The following SLC24A2 variants were observed in gnomAD, a reference collection of about 807,000 sequenced individuals.
The protein encoded by SLC24A2 is sodium/potassium/calcium exchanger 2.
SLC24A2 carries 36 observed loss-of-function variants against 62.0 expected under a neutral mutation model. That is an observed-to-expected ratio of 0.58 (90% CI 0.44 to 0.77). The LOEUF (loss-of-function observed/expected upper bound fraction) is 0.77. Among genes scored for constraint, SLC24A2 ranks in the 30% least tolerant of loss-of-function variants. The pLI, the probability that SLC24A2 is intolerant of heterozygous loss-of-function variation, is 0.00. For missense variants in SLC24A2, 846 were observed against 817.9 expected, an observed-to-expected ratio of 1.03 and a Z score of -0.42; for synonymous variants, 358 against 294.0, an observed-to-expected ratio of 1.22 and a Z score of -2.23.
chr9:20,256,221 C>A, the SLC24A2 span, among the ~76,000 whole-genome samples: 1 of 152,136 alleles, frequency 6.6e-6, no homozygotes, highest in Non-Finnish European at 1.5e-5. Flanking sequence ...TGGGGAGACA[C>A]GTTTAAACCA....
chr9:19,949,015 A>G, the SLC24A2 span, among the ~76,000 whole-genome samples: 1 of 151,492 alleles, frequency 6.6e-6, no homozygotes, highest in African/African-American at 2.4e-5. Flanking sequence ...TATTTTTGAG[A>G]CGGAGTCTTA....
At chr9:20,160,699 T>C in the SLC24A2 span, among the ~76,000 whole-genome samples, 45 of 151,194 alleles carry the variant, frequency 3.0e-4, no homozygotes, top group East Asian at 4.1e-3. Flanking sequence ...TTACAGAATT[T>C]CCGAAAAATA....
chr9:19,863,900 A>G, the SLC24A2 span, among the ~76,000 whole-genome samples: 1 of 151,992 alleles, frequency 6.6e-6, no homozygotes. Flanking sequence ...CGAAACAAAA[A>G]GTTGTTTTTT....
chr9:19,901,181 T>C, the SLC24A2 span, among the ~76,000 whole-genome samples: 2 of 152,164 alleles, frequency 1.3e-5, no homozygotes, highest in Non-Finnish European at 2.9e-5. Context: ...GAGACAGGCA[T>C]GGTGGCAAAT....
chr9:19,637,841 T>C (rs1434510662), intron 2 of SLC24A2, among the ~76,000 whole-genome samples: 2 of 152,164 alleles, frequency 1.3e-5, no homozygotes, highest in Non-Finnish European at 2.9e-5. Flanking sequence ...GTTTTATAAA[T>C]ATGCGGTGGG....
chr9:20,033,391 A>C, the SLC24A2 span, among the ~76,000 whole-genome samples: 1 of 152,220 alleles, frequency 6.6e-6, no homozygotes, highest in South Asian at 2.1e-4. Context: ...TAGGGATGTA[A>C]TACCTAATAT....
chr9:19,808,765 A>T, the SLC24A2 span, among the ~76,000 whole-genome samples: 4 of 152,134 alleles, frequency 2.6e-5, no homozygotes. This position sits in a 1 kb window ranked among gnomAD's most constrained non-coding sequence, Gnocchi z 4.1. Context: ...ATTTCCCAGT[A>T]ATGAAACTTT....
the SLC24A2 span, among the ~76,000 whole-genome samples, chr9:20,026,967 C>T: frequency 6.6e-6 from 1 of 151,982 alleles, no homozygotes; most frequent in Non-Finnish European, 1.5e-5. Context: ...ATTCAAACAA[C>T]TATATAGTAG....
the SLC24A2 span, among the ~76,000 whole-genome samples, chr9:20,156,236 CATAT>C: frequency 6.6e-6 from 1 of 151,728 alleles, no homozygotes. Flanking sequence ...GGGCAAAATA[CATAT>C]AGACTCTAAG....
chr9:20,190,442 C>G, the SLC24A2 span, among the ~76,000 whole-genome samples: 36 of 152,224 alleles, frequency 2.4e-4, no homozygotes, highest in African/African-American at 8.4e-4. Flanking sequence ...AAATGTCTAA[C>G]CTATGCCAGA....
At chr9:19,799,679 C>G in the SLC24A2 span, among the ~76,000 whole-genome samples, 2 of 152,232 alleles carry the variant, frequency 1.3e-5, no homozygotes, top group African/African-American at 4.8e-5. Context: ...GATGAGCTCA[C>G]AGCATGGCTC....
chr9:20,198,079 T>C, the SLC24A2 span, among the ~76,000 whole-genome samples: 2 of 152,124 alleles, frequency 1.3e-5, no homozygotes, highest in South Asian at 4.1e-4. Context: ...TTTCCAGATG[T>C]TGTAGCCCCA....
chr9:19,569,157 C>T lies in SLC24A2; in HGVS notation c.1347+4194G>A, dbSNP rs960352867. 8.9e-4 allele frequency among the ~76,000 whole-genome samples: 136 copies of T among 152,226 alleles called. 1 individual carries two copies. The highest frequency in any genetic ancestry group is 3.1e-3 in the African/African-American group (130 of 41,528). ...AGGGCCAGATAGTAAATATTTTAGG[C>T]TTTGAGGTCCATATGGTCTCTGTCA... On this transcript the variant is annotated intron_variant, in intron 7 of 10. Transcript: ENST00000341998.
chr9:19,724,036 C>A (rs921514051), intron 2 of SLC24A2, among the ~76,000 whole-genome samples: 5 of 152,114 alleles, frequency 3.3e-5, no homozygotes, highest in African/African-American at 1.2e-4. Flanking sequence ...TTGTGCTACA[C>A]TCATAATAAT....
the SLC24A2 span, among the ~76,000 whole-genome samples, chr9:20,162,841 A>C: frequency 1.3e-5 from 2 of 152,138 alleles, no homozygotes; most frequent in African/African-American, 4.8e-5. Flanking sequence ...CAAAACAATA[A>C]ATGTAATCCA....
chr9:20,103,422 C>T, the SLC24A2 span, among the ~76,000 whole-genome samples: 26 of 152,318 alleles, frequency 1.7e-4, no homozygotes, highest in East Asian at 2.9e-3. Flanking sequence ...CCCTGACCCC[C>T]GAGCAGCCTA....
intron 2 of SLC24A2, among the ~76,000 whole-genome samples, chr9:19,628,145 C>A (rs1021191670): frequency 6.6e-6 from 1 of 152,126 alleles, no homozygotes; most frequent in African/African-American, 2.4e-5. Flanking sequence ...TTCCATGGTC[C>A]TTAACTGTGG....
rs1203923242 is a variant in SLC24A2 at position 19,516,350 on chromosome 9, C to A, written c.1789G>T (p.Ala597Ser). ...YTVIHRFQPVAVSSNGLFCAI... is the reference protein window; with the variant it reads ...YTVIHRFQPVSVSSNGLFCAI... ...CAGAAAAGGCCATTGCTGCTGACAG[C>A]CACTGGCTGGAATCTGTGAATGACG... The change falls in exon 11 of 11, where the codon GCT becomes TCT. Residue 597 changes from alanine to serine, a missense_variant. By Grantham distance (99) the Ala-to-Ser change is moderately conservative (BLOSUM62 1). Coordinates refer to ENST00000341998, the MANE Select transcript of SLC24A2 (RefSeq NM_020344.4). 1 of 1,614,080 alleles carries A rather than the reference C, an allele frequency of 6.2e-7. No homozygotes were observed. Among genetic ancestry groups the A allele is most frequent in the Non-Finnish European group, 8.5e-7 (1 of 1,179,942 alleles).
At chr9:20,275,536 C>A in the SLC24A2 span, among the ~76,000 whole-genome samples, 1 of 152,340 alleles carries the variant, frequency 6.6e-6, no homozygotes, top group South Asian at 2.1e-4. Context: ...CATTCCTCTT[C>A]TTAGACACCC....
Sources: gnomAD v4.1 joint callset for allele counts (sites outside exome capture counted in the v4.1 genomes callset) on GRCh38, gnomAD v4.1.1 for gene constraint, Gnocchi (gnomAD v3.1) non-coding constraint, MANE v1.5 for transcripts, NCBI Gene and HGNC (gene_info 2026-07-23, HGNC 2026-07-21) for gene names.